Variants in ZNF142 observed in about 807,000 individuals in gnomAD.
ZNF142 encodes the protein zinc finger protein 142.
ZNF142 carries 96 observed loss-of-function variants against 132.1 expected under a neutral mutation model. The ratio of observed to expected loss-of-function variants is 0.73; its 90% confidence interval spans 0.62 to 0.86. The LOEUF (loss-of-function observed/expected upper bound fraction) is 0.86. Ranked by LOEUF, ZNF142 falls within the 40% of genes least tolerant of loss-of-function variation. ZNF142 has a pLI of 0.00. For synonymous variants in ZNF142, 842 were observed against 890.1 expected, an observed-to-expected ratio of 0.95 and a Z score of 0.96; for missense variants, 2,163 against 2,336.2, an observed-to-expected ratio of 0.93 and a Z score of 1.53.
intron 3 of ZNF142, among the ~76,000 whole-genome samples, chr2:218,658,455 C>T (rs61638827): frequency 0.06 from 9,098 of 151,996 alleles, 779 homozygotes; most frequent in African/African-American, 0.2. Flanking sequence ...GCAGGAGAAT[C>T]GCTGGAACCC....
intron 5 of ZNF142, among the ~76,000 whole-genome samples, chr2:218,650,910 C>G (rs1214597480): frequency 1.3e-5 from 2 of 152,020 alleles, no homozygotes; most frequent in Non-Finnish European, 1.5e-5. Flanking sequence ...CTCTCTCATG[C>G]TTTTTTGGGA....
In ZNF142 at chr2:218,636,393, G is replaced by A. The variant is rs373033996; in HGVS notation, c.*1946C>T. The A allele has an allele frequency of 8.1e-6, 13 of 1,614,024 alleles. No homozygotes were observed. Among genetic ancestry groups the A allele is most frequent in the South Asian group, 1.1e-5 (1 of 91,088 alleles). On this transcript the variant is annotated 3_prime_UTR_variant, in exon 11 of 11. Coordinates refer to ENST00000411696, the MANE Select transcript of ZNF142 (RefSeq NM_001379659.1). Reference sequence around the variant, plus strand: ...CTGCCTTGGACCTGCATGCAACAAGGTGAGCCAGCCCCTTTGGCCCCTGGC... The same window carrying A: ...CTGCCTTGGACCTGCATGCAACAAGATGAGCCAGCCCCTTTGGCCCCTGGC...
intron 5 of ZNF142, 151 bp from the exon 6 acceptor site, chr2:218,650,677 A>C (rs1379823501): frequency 4.0e-6 from 3 of 753,908 alleles, no homozygotes; most frequent in Non-Finnish European, 6.0e-6. Flanking sequence ...TTTCCACTCA[A>C]GATGAAAATA....
chr2:218,655,968 T>G (rs1003218225), intron 4 of ZNF142, among the ~76,000 whole-genome samples, 182 bp downstream of exon 4: 1 of 152,206 alleles, frequency 6.6e-6, no homozygotes, highest in East Asian at 1.9e-4. Context: ...GGTAGAAGGC[T>G]GTGCACCACT....
chr2:218,638,300 G>T lies in ZNF142; in HGVS notation c.*39C>A. ...CGCTGGTCCCAGTCTGCACATCTCA[G>T]ACCATACCCTCTTCCTATACAGGAG... is the stretch of plus-strand genomic sequence containing the variant. On this transcript the variant is annotated 3_prime_UTR_variant, in exon 11 of 11. Coordinates refer to ENST00000411696, the MANE Select transcript of ZNF142 (RefSeq NM_001379659.1). 1.4e-6 allele frequency: 2 copies of T among 1,474,892 alleles called. No homozygotes were observed. The highest frequency in any genetic ancestry group is 1.4e-5 in the South Asian group (1 of 70,164). 91.4% of individuals were successfully genotyped at this position (1,474,892 alleles called of 1,614,324 possible).
chr2:218,653,029 T>C (rs1435052019), intron 4 of ZNF142, among the ~76,000 whole-genome samples: 2 of 151,890 alleles, frequency 1.3e-5, no homozygotes, highest in Admixed American at 6.6e-5. Context: ...GCCTGTAATC[T>C]TGGCACTTTG....
Position 218,635,060 on chromosome 2 carries a change from A to T in ZNF142, c.*3279T>A, listed in dbSNP as rs1255403401. On this transcript the variant is annotated 3_prime_UTR_variant, in exon 11 of 11. Coordinates refer to ENST00000411696, the MANE Select transcript of ZNF142 (RefSeq NM_001379659.1). ...TTGAGACCAGTCTGAAACTGGTCTCAACAAAAAATTTAAAAATTTTGTAGA... is the reference window on the plus strand; with the variant it reads ...TTGAGACCAGTCTGAAACTGGTCTCTACAAAAAATTTAAAAATTTTGTAGA... Among the ~76,000 whole-genome samples the T allele has an allele frequency of 2.6e-5, 4 of 152,198 alleles. No individual in the cohort carries two copies. The highest frequency in any genetic ancestry group is 4.2e-4 in the South Asian group (2 of 4,812).
At chr2:218,654,442 C>T (rs1938300727) in intron 4 of ZNF142, among the ~76,000 whole-genome samples, 1 of 151,722 alleles carries the variant, frequency 6.6e-6, no homozygotes, top group South Asian at 2.1e-4. Context: ...TCTTGGCTCA[C>T]TGCAACCTCC....
In ZNF142 at chr2:218,657,749, T is replaced by C. The variant is rs530301908; in HGVS notation, c.-35+952A>G. On this transcript the variant is annotated intron_variant, in intron 3 of 10. Coordinates refer to ENST00000411696, the MANE Select transcript of ZNF142 (RefSeq NM_001379659.1). ...CGGGCCTGGCTTCCCGAAACTCTTA[T>C]CTTCTCTCTTCTGGCGTCCTAAGGG... Among the ~76,000 whole-genome samples the C allele has an allele frequency of 7.9e-5, 12 of 152,250 alleles. No individual in the cohort carries two copies. The South Asian group carries it at 2.5e-3, about 32-fold the overall frequency.
At chr2:218,653,710 T>G (rs1575084289) in intron 4 of ZNF142, among the ~76,000 whole-genome samples, 2 of 152,346 alleles carry the variant, frequency 1.3e-5, no homozygotes, top group East Asian at 1.9e-4. Context: ...TTGCTATATA[T>G]CAAAGATATT....
rs757471919 is a variant in ZNF142, at chr2:218,633,609, C to A, written c.*4730G>T. 1.1e-5 allele frequency: 17 copies of A among 1,613,280 alleles called. No individual in the cohort carries two copies. Among genetic ancestry groups the A allele is most frequent in the Non-Finnish European group, 1.4e-5 (17 of 1,179,360 alleles). ...CTTCTTTTCCACCTTCTCCAGAAAT[C>A]CAAGCCCATCTTGTGTCCAGCCCTC... On this transcript the variant is annotated 3_prime_UTR_variant, in exon 11 of 11. Transcript: ENST00000411696.
chr2:218,649,426 T>A lies in ZNF142; in HGVS notation c.1082A>T (p.Lys361Met), dbSNP rs1420914022. 6.2e-7 allele frequency: 1 copy of A among 1,609,322 alleles called. No homozygotes were observed. Among genetic ancestry groups the A allele is most frequent in the Non-Finnish European group, 8.5e-7 (1 of 1,177,358 alleles). The change falls in exon 7 of 11, where the codon AAG becomes ATG. Residue 361 changes from lysine to methionine, a missense_variant. This residue lies in a region of ZNF142 where 749 missense variants were observed against 830.3 expected (regional missense o/e 0.90). Coordinates refer to ENST00000411696, the MANE Select transcript of ZNF142 (RefSeq NM_001379659.1). ...DVVSGTESLF[K>M]THMCPECKRC... The stretch of plus-strand genomic sequence containing the variant: ...CTTACACTCTGGACACATATGGGTC[T>A]TGAAGAGGGACTCGGTGCCAGAGAC...
At chr2:218,646,412 C>G (rs76648962) in intron 7 of ZNF142, 64 bp from the exon 8 acceptor site, 3 of 1,567,134 alleles carry the variant, frequency 1.9e-6, no homozygotes, top group Middle Eastern at 1.7e-4. Flanking sequence ...GTGGACAGAC[C>G]ATTTCTTCCA....
At position 218,634,221 on chromosome 2, in the gene ZNF142, G is replaced by C. The variant is rs1342621404; in HGVS notation, c.*4118C>G. Reference sequence around the variant, plus strand: ...ACTCTGGAATGCAGGCTGCCAGATGGGTGAGGAGGCAGCAGGGACTGGGAA... The same window carrying C: ...ACTCTGGAATGCAGGCTGCCAGATGCGTGAGGAGGCAGCAGGGACTGGGAA... On this transcript the variant is annotated 3_prime_UTR_variant, in exon 11 of 11. Transcript: ENST00000411696. The surrounding 1 kb of genome is among the most constrained non-coding windows in gnomAD (Gnocchi z 4.0). 6.2e-7 allele frequency: 1 copy of C among 1,608,024 alleles called. No individual in the cohort carries two copies. The highest frequency in any genetic ancestry group is 1.7e-5 in the Admixed American group (1 of 58,788).
intron 5 of ZNF142, among the ~76,000 whole-genome samples, chr2:218,650,825 T>C (rs2106251876): frequency 6.6e-6 from 1 of 152,254 alleles, no homozygotes; most frequent in South Asian, 2.1e-4. Flanking sequence ...AGAGAATGGG[T>C]AGACTGCAAT....
chr2:218,643,172 T>G lies in ZNF142; in HGVS notation c.3944A>C (p.Gln1315Pro). Reference protein sequence around the residue: ...SCPTCPFSCQQERALRTHQIR... With the variant: ...SCPTCPFSCQPERALRTHQIR... ...CTGGTGAGTCCTCAGAGCCCGTTCC[T>G]GCTGGCAGCTAAAGGGACATGTAGG... The change falls in exon 9 of 11, where the codon CAG becomes CCG. Residue 1315 changes from glutamine (Q) to proline (P), a missense_variant. Physicochemically the swap from Gln to Pro is moderately conservative, Grantham distance 76. Around this residue, in one of 7 missense-constraint regions of ZNF142, gnomAD observed 809 missense variants for 801.7 expected, o/e 1.01. Transcript: ENST00000411696. 6.2e-7 allele frequency: 1 copy of G among 1,614,268 alleles called. No individual in the cohort carries two copies. The highest frequency in any genetic ancestry group is 8.5e-7 in the Non-Finnish European group (1 of 1,180,040).
rs1696689577 is a variant in ZNF142, at chr2:218,635,698, T to A, written c.*2641A>T. 1 of 1,463,606 alleles carries A rather than the reference T, an allele frequency of 6.8e-7. No individual in the cohort carries two copies. The highest frequency in any genetic ancestry group is 1.4e-5 in the South Asian group (1 of 71,642). 90.7% of individuals were successfully genotyped at this position (1,463,606 alleles called of 1,614,324 possible). Reference sequence around the variant, plus strand: ...AATATATTACCCATGGAGGATGTTTTACAAACCAAAAAGCTTCTTCTCCCC... The same window carrying A: ...AATATATTACCCATGGAGGATGTTTAACAAACCAAAAAGCTTCTTCTCCCC... On this transcript the variant is annotated 3_prime_UTR_variant, in exon 11 of 11. Coordinates refer to ENST00000411696, the MANE Select transcript of ZNF142 (RefSeq NM_001379659.1).
In ZNF142 at chr2:218,643,653, G is replaced by C; in HGVS notation, c.3463C>G (p.Pro1155Ala). The change falls in exon 9 of 11, where the codon CCT becomes GCT. Residue 1155 changes from proline to alanine, a missense_variant. By Grantham distance (27) the Pro-to-Ala change is conservative. This residue lies in a region of ZNF142 where 809 missense variants were observed against 801.7 expected (regional missense o/e 1.01). Coordinates refer to ENST00000411696, the MANE Select transcript of ZNF142 (RefSeq NM_001379659.1). ...GGGGAACCAGAGACTGTGGCAAGAGGCTCTTCTGTTTCTTCTGGCTCCCTG... is the reference window on the plus strand; with the variant it reads ...GGGGAACCAGAGACTGTGGCAAGAGCCTCTTCTGTTTCTTCTGGCTCCCTG... ...LPREPEETEE[P>A]LATVSGSPVP... is the part of the protein sequence containing the mutation. The C allele has an allele frequency of 1.3e-6, 2 of 1,549,890 alleles. No homozygotes were observed. The highest frequency in any genetic ancestry group is 2.1e-5 in the Admixed American group (1 of 48,742).
intron 8 of ZNF142, among the ~76,000 whole-genome samples, chr2:218,645,714 G>A (rs759585936): frequency 6.6e-6 from 1 of 152,210 alleles, no homozygotes; most frequent in Non-Finnish European, 1.5e-5. Flanking sequence ...AGGCAATGGA[G>A]TTGAGACAGT....
Sources: gnomAD v4.1 joint callset for allele counts (sites outside exome capture counted in the v4.1 genomes callset) on GRCh38, gnomAD v4.1.1 for gene constraint, gnomAD v4.1.1 regional missense constraint, Gnocchi (gnomAD v3.1) non-coding constraint, MANE v1.5 for transcripts, NCBI Gene and HGNC (gene_info 2026-07-23, HGNC 2026-07-21) for gene names.